Variants in AZIN1 observed in about 807,000 individuals in gnomAD.
AZIN1 encodes the protein antizyme inhibitor 1, also known as ornithine decarboxylase antizyme inhibitor.
In AZIN1, 12 loss-of-function variants were observed where a neutral mutation model predicts 47.4. That is an observed-to-expected ratio of 0.25 (90% CI 0.16 to 0.41). The LOEUF is 0.41. Among genes scored for constraint, AZIN1 ranks in the 10% least tolerant of loss-of-function variants. The pLI is 1.00. For missense variants in AZIN1, 410 were observed against 532.4 expected (o/e 0.77, Z 2.26); for synonymous variants, 155 against 176.3 (o/e 0.88, Z 0.96).
intron 2 of AZIN1, among the ~76,000 whole-genome samples, chr8:102,845,172 T>G (rs1379516404): frequency 6.6e-6 from 1 of 151,798 alleles, no homozygotes; most frequent in Non-Finnish European, 1.5e-5. Flanking sequence ...AAACTAGAGT[T>G]CACCCTTGGG....
At chr8:102,846,005 A>G (rs1354574972) in intron 2 of AZIN1, among the ~76,000 whole-genome samples, 1 of 152,192 alleles carries the variant, frequency 6.6e-6, no homozygotes, top group African/African-American at 2.4e-5. Flanking sequence ...ATGATGTTCA[A>G]TGAGGACTTA....
intron 1 of AZIN1, among the ~76,000 whole-genome samples, chr8:102,863,177 C>A (rs1442020236): frequency 6.6e-6 from 1 of 152,098 alleles, no homozygotes; most frequent in African/African-American, 2.4e-5. Flanking sequence ...CGCCGCCAGG[C>A]CCCAAGTGGC....
Position 102,839,782 on chromosome 8 carries a change from A to G in AZIN1, c.144T>C (p.Ile48=). 6.2e-7 allele frequency: 1 copy of G among 1,606,332 alleles called. No individual in the cohort carries two copies. Among genetic ancestry groups the G allele is most frequent in the South Asian group, 1.1e-5 (1 of 89,298 alleles). ...TCTGCCATTGACTGTGTTTCTTCAC[A>G]ATCTTTCCAAGATCTCCCACAAAAA... ...NAFFVGDLGK[I]VKKHSQWQNV... is the part of the protein sequence containing the mutation. Residue 48 remains isoleucine, a synonymous_variant, in exon 4 of 12, where the codon ATT becomes ATC. Transcript: ENST00000337198.
chr8:102,863,516 C>G (rs952908863), intron 1 of AZIN1, among the ~76,000 whole-genome samples: 6 of 151,468 alleles, frequency 4.0e-5, no homozygotes, highest in Admixed American at 3.3e-4. Flanking sequence ...GCGAGACCCC[C>G]GCGCGCTCCC....
chr8:102,842,750 G>A (rs541609512), intron 3 of AZIN1, among the ~76,000 whole-genome samples: 4 of 151,170 alleles, frequency 2.6e-5, no homozygotes, highest in Non-Finnish European at 3.0e-5. Flanking sequence ...AAACCACTTA[G>A]CTGGGCATGG....
intron 2 of AZIN1, among the ~76,000 whole-genome samples, chr8:102,854,161 A>G (rs1813112350): frequency 6.6e-6 from 1 of 151,724 alleles, no homozygotes; most frequent in African/African-American, 2.4e-5. Context: ...CTGGTCTCAA[A>G]CTCCTGACTT....
At chr8:102,862,512 G>A (rs1813745924) in intron 1 of AZIN1, among the ~76,000 whole-genome samples, 1 of 152,100 alleles carries the variant, frequency 6.6e-6, no homozygotes, top group Non-Finnish European at 1.5e-5. Context: ...TTCTAATCAT[G>A]ATCAGCATCT....
At chr8:102,850,172 G>T (rs1299265418) in intron 2 of AZIN1, 1 of 152,140 alleles carries the variant, frequency 6.6e-6, no homozygotes, top group Non-Finnish European at 1.5e-5. Flanking sequence ...AGAGCTGAAA[G>T]GTTGAGAATA....
intron 3 of AZIN1, among the ~76,000 whole-genome samples, chr8:102,842,420 C>T (rs565364112): frequency 5.3e-5 from 8 of 151,260 alleles, no homozygotes; most frequent in African/African-American, 1.7e-4. Context: ...AATACAAAAA[C>T]TTAGGCCAGG....
chr8:102,828,824 CAG>C (rs1316917748), intron 11 of AZIN1, 146 bp from the exon 12 acceptor site: 14 of 592,062 alleles, frequency 2.4e-5, no homozygotes, highest in African/African-American at 1.3e-4. Flanking sequence ...TCATGCACTG[CAG>C]AGTGATGTTT....
At chr8:102,834,384 G>T (rs1430833088) in intron 7 of AZIN1, 121 bp from the exon 8 acceptor site, 3 of 761,986 alleles carry the variant, frequency 3.9e-6, no homozygotes, top group South Asian at 3.6e-5. Flanking sequence ...GCAAATTCTT[G>T]GTTTTTTACT....
In AZIN1 at chr8:102,826,678, A is replaced by G. The variant is rs1467144464; in HGVS notation, c.*1889T>C. On this transcript the variant is annotated 3_prime_UTR_variant, in exon 12 of 12. Coordinates refer to ENST00000337198, the MANE Select transcript of AZIN1 (RefSeq NM_148174.4). ...GAACAGCTCTCCTGCAGATATGGCA[A>G]AGTTGATATGCCATGAAGTTCAAGG... The G allele has an allele frequency of 6.6e-6, 1 of 152,624 alleles. No homozygotes were observed. Among genetic ancestry groups the G allele is most frequent in the Admixed American group, 6.5e-5 (1 of 15,272 alleles). 9.5% of individuals were successfully genotyped at this position (152,624 alleles called of 1,614,324 possible).
chr8:102,863,135 C>G (rs891658757), intron 1 of AZIN1, among the ~76,000 whole-genome samples: 1 of 152,232 alleles, frequency 6.6e-6, no homozygotes, highest in African/African-American at 2.4e-5. Flanking sequence ...GGCCAAAAGC[C>G]TCTCGCTGGC....
intron 1 of AZIN1, among the ~76,000 whole-genome samples, chr8:102,860,317 CAGTGGCGCGATCT>C (rs1377079736): frequency 1.3e-5 from 2 of 152,148 alleles, no homozygotes; most frequent in Non-Finnish European, 2.9e-5. Flanking sequence ...GGCTGGAGTG[CAGTGGCGCGATCT>C]TGGCTCACTG....
At chr8:102,831,898 T>A (rs1304520952) in intron 9 of AZIN1, among the ~76,000 whole-genome samples, 1 of 152,106 alleles carries the variant, frequency 6.6e-6, no homozygotes, top group African/African-American at 2.4e-5. Flanking sequence ...GAGACTGCAA[T>A]GAGCCCTGAT....
In AZIN1 at chr8:102,828,459, C is replaced by G. The variant is rs1020191022; in HGVS notation, c.*108G>C. The G allele has an allele frequency of 2.8e-6, 2 of 713,898 alleles. No individual in the cohort carries two copies. The highest frequency in any genetic ancestry group is 6.6e-5 in the Admixed American group (2 of 30,360). 44.2% of individuals were successfully genotyped at this position (713,898 alleles called of 1,614,324 possible). A position where few individuals can be genotyped will look rare whatever the true frequency, so the allele number is the denominator to read the frequency against. On this transcript the variant is annotated 3_prime_UTR_variant, in exon 12 of 12. Transcript: ENST00000337198. Reference sequence around the variant, plus strand: ...TAGCTATTACTAATAGTTTTTGTTGCCAAAAGAATTAAGAGAATAAGATTG... The same window carrying G: ...TAGCTATTACTAATAGTTTTTGTTGGCAAAAGAATTAAGAGAATAAGATTG...
At chr8:102,836,510 GATGA>G in intron 5 of AZIN1, 120 bp from the exon 6 acceptor site, 2 of 1,081,126 alleles carry the variant, frequency 1.8e-6, no homozygotes, top group Non-Finnish European at 2.7e-6. Context: ...TCCAGCGACG[GATGA>G]ATCAAGTGAA....
chr8:102,853,842 A>G (rs1813084115), intron 2 of AZIN1, among the ~76,000 whole-genome samples: 1 of 143,786 alleles, frequency 7.0e-6, no homozygotes, highest in Non-Finnish European at 1.5e-5. Flanking sequence ...AAAGTACCAA[A>G]TATCATCTGT....
intron 6 of AZIN1, 169 bp from the exon 7 acceptor site, chr8:102,834,916 G>A: frequency 1.8e-6 from 1 of 547,548 alleles, no homozygotes; most frequent in Non-Finnish European, 3.2e-6. Context: ...AAAAGTTACA[G>A]TACCAGCTTT....
Sources: gnomAD v4.1 joint callset for allele counts (sites outside exome capture counted in the v4.1 genomes callset) on GRCh38, gnomAD v4.1.1 for gene constraint, MANE v1.5 for transcripts, NCBI Gene and HGNC (gene_info 2026-07-23, HGNC 2026-07-21) for gene names.